GOLGA5: variants seen among roughly 807,000 people sequenced by gnomAD.
The protein encoded by GOLGA5 is golgin A5, also known as golgin subfamily A member 5.
A neutral mutation model predicts 93.5 loss-of-function variants in GOLGA5; 50 were observed. The ratio of observed to expected loss-of-function variants is 0.53; its 90% CI spans 0.43 to 0.68. The LOEUF is 0.68. GOLGA5 is among the 30% of genes least tolerant of loss of function. The pLI, the probability that GOLGA5 is intolerant of heterozygous loss-of-function variation, is 0.00. For synonymous variants in GOLGA5, 312 were observed against 304.5 expected (o/e 1.02, Z -0.26); for missense variants, 760 against 856.4 (o/e 0.89, Z 1.40).
intron 1 of GOLGA5, among the ~76,000 whole-genome samples, chr14:92,797,127 C>G (rs1328210354): frequency 6.6e-6 from 1 of 151,312 alleles, no homozygotes; most frequent in Non-Finnish European, 1.5e-5. Flanking sequence ...ATGGTAATAG[C>G]AGCCACTAAA....
At chr14:92,827,253 C>A (rs1317699876) in intron 9 of GOLGA5, among the ~76,000 whole-genome samples, 1 of 152,076 alleles carries the variant, frequency 6.6e-6, no homozygotes, top group African/African-American at 2.4e-5. Context: ...TTATGGCAAC[C>A]CTGCATCAAG....
intron 7 of GOLGA5, among the ~76,000 whole-genome samples, chr14:92,818,415 G>A (rs1885252035): frequency 6.6e-6 from 1 of 152,190 alleles, no homozygotes; most frequent in African/African-American, 2.4e-5. Flanking sequence ...GTAACTTGCT[G>A]CAAGACTAGT....
chr14:92,819,524 C>G (rs552929732), intron 7 of GOLGA5, among the ~76,000 whole-genome samples, 184 bp from the exon 8 acceptor site: 7 of 151,832 alleles, frequency 4.6e-5, no homozygotes, highest in Non-Finnish European at 1.0e-4. Flanking sequence ...TCCCGCTACT[C>G]GGGAGGCTGA....
intron 7 of GOLGA5, among the ~76,000 whole-genome samples, chr14:92,817,192 C>T (rs1173552292): frequency 6.6e-6 from 1 of 152,104 alleles, no homozygotes; most frequent in African/African-American, 2.4e-5. Flanking sequence ...CCGCCCACCT[C>T]GGCCTCCCAA....
Position 92,809,454 on chromosome 14 carries a change from G to A in GOLGA5, c.927G>A (p.Gln309=). 2.5e-6 allele frequency: 4 copies of A among 1,614,074 alleles called. No homozygotes were observed. The highest frequency in any genetic ancestry group is 3.4e-6 in the Non-Finnish European group (4 of 1,180,000). The part of the protein sequence containing the change: ...SQLAVLKVRL[Q]EADQLLSTRT... ...TGGCTGTACTGAAAGTGAGACTCCA[G>A]GAAGCTGACCAGCTACTGAGTACTC... Residue 309 remains glutamine, a synonymous_variant, in exon 4 of 13, where the codon CAG becomes CAA. Coordinates refer to ENST00000163416, the MANE Select transcript of GOLGA5 (RefSeq NM_005113.4).
intron 10 of GOLGA5, among the ~76,000 whole-genome samples, chr14:92,834,133 C>G (rs1442615632): frequency 6.6e-6 from 1 of 150,722 alleles, no homozygotes; most frequent in Non-Finnish European, 1.5e-5. Context: ...ATTTTCCTGA[C>G]CATAACTTCT....
intron 9 of GOLGA5, among the ~76,000 whole-genome samples, chr14:92,825,734 G>A (rs1369481881): frequency 1.3e-5 from 2 of 151,492 alleles, no homozygotes; most frequent in East Asian, 2.0e-4. Context: ...GCACACACCT[G>A]TAGTTCTAGC....
Position 92,839,522 on chromosome 14 carries a change from T to C in GOLGA5, c.*76T>C. The C allele has an allele frequency of 2.2e-6, 2 of 910,500 alleles. No individual in the cohort carries two copies. The highest frequency in any genetic ancestry group is 3.6e-6 in the Non-Finnish European group (2 of 553,642). The allele number at this position is 910,500 out of a possible 1,614,324, so 56.4% of individuals were successfully genotyped here. On this transcript the variant is annotated 3_prime_UTR_variant, in exon 13 of 13. Transcript: ENST00000163416. Reference sequence around the variant, plus strand: ...CTGCAAGAAGGCCAATTGCCTAAAATTTCTGAGAACAGTGCACAAGATTAT... The same window carrying C: ...CTGCAAGAAGGCCAATTGCCTAAAACTTCTGAGAACAGTGCACAAGATTAT...
At chr14:92,833,454 A>C in intron 10 of GOLGA5, 107 bp downstream of exon 10, 1 of 787,876 alleles carries the variant, frequency 1.3e-6, no homozygotes, top group African/African-American at 1.7e-5. Flanking sequence ...TGAAGGACTC[A>C]ATTTTCTGAT....
intron 11 of GOLGA5, 28 bp from the exon 12 acceptor site, chr14:92,837,358 T>G (rs772272101): frequency 8.6e-6 from 10 of 1,162,684 alleles, no homozygotes; most frequent in African/African-American, 3.1e-5. Context: ...TTCTCTCTCC[T>G]CTCCCCCTCA....
At chr14:92,810,868 C>T (rs1052882856) in intron 5 of GOLGA5, among the ~76,000 whole-genome samples, 3 of 152,214 alleles carry the variant, frequency 2.0e-5, no homozygotes, top group Non-Finnish European at 2.9e-5. Flanking sequence ...CATATGCAGT[C>T]ACATTCCATT....
chr14:92,829,171 C>T (rs574341890), intron 9 of GOLGA5, among the ~76,000 whole-genome samples: 5 of 152,220 alleles, frequency 3.3e-5, no homozygotes, highest in African/African-American at 1.2e-4. Context: ...CTATGTTCCC[C>T]AGGCTGGTCT....
At chr14:92,798,665 G>A (rs978637555) in intron 2 of GOLGA5, among the ~76,000 whole-genome samples, 36 of 152,282 alleles carry the variant, frequency 2.4e-4, no homozygotes, top group African/African-American at 7.0e-4. Context: ...CCTGTAATCC[G>A]AGCACTTTGG....
intron 9 of GOLGA5, among the ~76,000 whole-genome samples, chr14:92,830,140 G>A (rs865968409): frequency 1.2e-4 from 18 of 152,160 alleles, no homozygotes; most frequent in African/African-American, 4.3e-4. Flanking sequence ...CCAACATGGT[G>A]AAACCCCGTC....
intron 2 of GOLGA5, among the ~76,000 whole-genome samples, chr14:92,802,529 C>T (rs1187899040): frequency 6.6e-6 from 1 of 151,750 alleles, no homozygotes; most frequent in Admixed American, 6.6e-5. Context: ...GTATCTTGTT[C>T]TTTGTCTTAG....
At chr14:92,823,383 T>TTC (rs1420005731) in intron 8 of GOLGA5, among the ~76,000 whole-genome samples, 1 of 151,124 alleles carries the variant, frequency 6.6e-6, no homozygotes, top group African/African-American at 2.4e-5. Context: ...TTATGACCCG[T>TTC]TCTCCTTTTC....
intron 2 of GOLGA5, among the ~76,000 whole-genome samples, chr14:92,799,928 T>C (rs1884832308): frequency 6.6e-6 from 1 of 152,170 alleles, no homozygotes; most frequent in Admixed American, 6.5e-5. Context: ...ATAGAGTTGA[T>C]TATTGATGGG....
intron 8 of GOLGA5, among the ~76,000 whole-genome samples, chr14:92,824,301 ATTAT>A (rs1885371921): frequency 6.6e-6 from 1 of 152,188 alleles, no homozygotes. Context: ...ACTGTTAATA[ATTAT>A]TTATTATGGA....
chr14:92,811,666 A>C lies in GOLGA5; in HGVS notation c.1232A>C (p.Gln411Pro). ...GAGAAGAAGAGGGTTGATGAACTGC[A>C]GCAGCAAGTCAAGCTGTATAAGTTG... is the stretch of plus-strand genomic sequence containing the variant. Reference protein sequence around the residue: ...SDEKKRVDELQQQVKLYKLNL... With the variant: ...SDEKKRVDELPQQVKLYKLNL... Residue 411 changes from glutamine (Q) to proline (P), a missense_variant, in exon 6 of 13, where the codon CAG becomes CCG. Coordinates refer to ENST00000163416, the MANE Select transcript of GOLGA5 (RefSeq NM_005113.4). 6.2e-7 allele frequency: 1 copy of C among 1,612,458 alleles called. No homozygotes were observed. The highest frequency in any genetic ancestry group is 1.1e-5 in the South Asian group (1 of 90,910).
Sources: allele counts gnomAD v4.1 joint callset (sites outside exome capture counted in the v4.1 genomes callset), GRCh38; gene constraint gnomAD v4.1.1; transcripts MANE v1.5; gene names NCBI Gene and HGNC (gene_info 2026-07-23, HGNC 2026-07-21).